WDR59: variants seen among roughly 807,000 people sequenced by gnomAD.
The protein encoded by WDR59 is WD repeat domain 59.
A neutral mutation model predicts 131.2 loss-of-function variants in WDR59; 100 were observed. The ratio of observed to expected loss-of-function variants is 0.76; its 90% CI spans 0.65 to 0.90. The LOEUF (loss-of-function observed/expected upper bound fraction) is 0.90. WDR59 is among the 40% of genes least tolerant of loss of function. The pLI is 0.00. For synonymous variants in WDR59, 601 were observed against 466.2 expected (o/e 1.29, Z -3.72); for missense variants, 1,203 against 1,262.2 (o/e 0.95, Z 0.71).
chr16:74,911,126 A>C lies in WDR59; in HGVS notation c.1389+1072T>G, dbSNP rs56285957. 3.9e-3 allele frequency among the ~76,000 whole-genome samples: 591 copies of C among 152,238 alleles called. 1 individual carries two copies. The highest frequency in any genetic ancestry group is 6.5e-3 in the Non-Finnish European group (445 of 67,996). Reference sequence around the variant, plus strand: ...TGATCCACCCGCCTCAGCCTCTCAAAGTGCTGGGATTACGGGAGTGAGCCA... The same window carrying C: ...TGATCCACCCGCCTCAGCCTCTCAACGTGCTGGGATTACGGGAGTGAGCCA... On this transcript the variant is annotated intron_variant, in intron 14 of 25. Coordinates refer to ENST00000262144, the MANE Select transcript of WDR59 (RefSeq NM_030581.4).
rs764282801 is a variant in WDR59 at position 74,923,902 on chromosome 16, C to T, written c.729+24G>A. 2.5e-6 allele frequency: 4 copies of T among 1,606,330 alleles called. No individual in the cohort carries two copies. In the South Asian group the frequency reaches 4.5e-5, roughly 18 times the overall value. ...GAACACCCAAAAAGAAGTTTCTTAT[C>T]AAGAGGCAGGGTGGCTCACTCACTG... On this transcript the variant is annotated intron_variant, in intron 9 of 25. Coordinates refer to ENST00000262144, the MANE Select transcript of WDR59 (RefSeq NM_030581.4).
At chr16:74,978,182 G>A (rs988597999) in intron 1 of WDR59, among the ~76,000 whole-genome samples, 1 of 152,156 alleles carries the variant, frequency 6.6e-6, no homozygotes, top group Non-Finnish European at 1.5e-5. Flanking sequence ...GGTTAGCCAG[G>A]CGTGGTGATG....
intron 18 of WDR59, among the ~76,000 whole-genome samples, chr16:74,903,487 A>G (rs1965651961): frequency 9.4e-6 from 1 of 106,064 alleles, no homozygotes; most frequent in African/African-American, 3.2e-5. Context: ...ATGTAGACTT[A>G]GTATAAAAAA....
intron 25 of WDR59, among the ~76,000 whole-genome samples, chr16:74,882,585 T>G (rs1312351036): frequency 6.6e-6 from 1 of 150,518 alleles, no homozygotes; most frequent in Non-Finnish European, 1.5e-5. Context: ...ATACAAGTGG[T>G]ATTTGTATTG....
chr16:74,984,886 G>C (rs1045276764), intron 1 of WDR59, 78 bp downstream of exon 1: 36 of 1,558,698 alleles, frequency 2.3e-5, no homozygotes, highest in African/African-American at 2.7e-5. Context: ...GTAGCCCCCC[G>C]GGACGGAAGC....
At chr16:74,968,525 A>T (rs1220506118) in intron 1 of WDR59, among the ~76,000 whole-genome samples, 1 of 152,186 alleles carries the variant, frequency 6.6e-6, no homozygotes, top group Non-Finnish European at 1.5e-5. Flanking sequence ...GTTCAAGACC[A>T]GCCTGGCCAA....
chr16:74,953,821 G>A (rs568244354), intron 3 of WDR59, among the ~76,000 whole-genome samples: 10 of 151,840 alleles, frequency 6.6e-5, no homozygotes, highest in Non-Finnish European at 1.0e-4. Context: ...CTAACAGGGC[G>A]AAACCCTGTC....
At position 74,874,296 on chromosome 16, in the gene WDR59, G is replaced by A. The variant is rs780339982; in HGVS notation, c.2838C>T (p.His946=). The A allele has an allele frequency of 6.2e-6, 10 of 1,613,966 alleles. No homozygotes were observed. Among genetic ancestry groups the A allele is most frequent in the African/African-American group, 1.3e-5 (1 of 74,936 alleles). The stretch of plus-strand genomic sequence containing the variant: ...GAAACCACTCCATCATGTGGCTGGT[G>A]TGGCCACCGTGCCCACAGGTCAGGC... ...NFCLTCGHGG[H]TSHMMEWFRT... The change falls in exon 26 of 26, where the codon CAC becomes CAT. Residue 946 remains histidine, a synonymous_variant. Coordinates refer to ENST00000262144, the MANE Select transcript of WDR59 (RefSeq NM_030581.4).
intron 6 of WDR59, among the ~76,000 whole-genome samples, chr16:74,947,704 A>AT: frequency 6.6e-6 from 1 of 152,334 alleles, no homozygotes; most frequent in Middle Eastern, 3.4e-3. Flanking sequence ...TAAGTATGAT[A>AT]TTGGGATTCT....
chr16:74,939,123 T>C (rs1474792198), intron 7 of WDR59, among the ~76,000 whole-genome samples: 2 of 150,902 alleles, frequency 1.3e-5, no homozygotes, highest in East Asian at 2.0e-4. Flanking sequence ...AGGTCAGGAG[T>C]TTGTGACCAG....
In WDR59 at chr16:74,885,659, C is replaced by T. The variant is rs756003450; in HGVS notation, c.2683G>A (p.Gly895Arg). Residue 895 changes from glycine to arginine, a missense_variant, in exon 25 of 26, where the codon GGG becomes AGG. Coordinates refer to ENST00000262144, the MANE Select transcript of WDR59 (RefSeq NM_030581.4). ...FVSCPPDPHKGIEFGVYCSHC... is the reference protein window; with the variant it reads ...FVSCPPDPHKRIEFGVYCSHC... The stretch of plus-strand genomic sequence containing the variant: ...GAGAGAAATTCATACTCACCGATCC[C>T]TTTGTGAGGGTCAGGAGGACAGGAG... The T allele has an allele frequency of 5.2e-5, 84 of 1,613,800 alleles. No homozygotes were observed. The highest frequency in any genetic ancestry group is 1.6e-4 in the Middle Eastern group (1 of 6,082).
chr16:74,905,979 G>A (rs576473502), intron 17 of WDR59, among the ~76,000 whole-genome samples: 13 of 152,082 alleles, frequency 8.5e-5, no homozygotes, highest in African/African-American at 3.1e-4. Context: ...CACAGAAGCT[G>A]CTCGACATCA....
intron 18 of WDR59, 55 bp downstream of exon 18, chr16:74,903,892 G>T: frequency 6.4e-7 from 1 of 1,558,414 alleles, no homozygotes; most frequent in Non-Finnish European, 8.7e-7. Flanking sequence ...AGGAGATGAG[G>T]AACAAGAATC....
chr16:74,950,058 T>G, intron 4 of WDR59: 1 of 486,972 alleles, frequency 2.1e-6, no homozygotes, highest in Non-Finnish European at 4.0e-6. Context: ...ATTCTCTCTC[T>G]GGGCTGAGCG....
At position 74,970,495 on chromosome 16, in the gene WDR59, C is replaced by CAAA. The variant is rs746574195; in HGVS notation, c.55-4676_55-4674dup. Reference sequence around the variant, plus strand: ...GGGTGACAGAGAGAGACTCTGTCTCCAAAAAAAAAAAAAAAAAAAAAAAAA... The same window carrying CAAA: ...GGGTGACAGAGAGAGACTCTGTCTCCAAAAAAAAAAAAAAAAAAAAAAAAAAAA... On this transcript the variant is annotated intron_variant, in intron 1 of 25. Transcript: ENST00000262144. Among the ~76,000 whole-genome samples the CAAA allele has an allele frequency of 4.6e-3, 152 of 33,302 alleles. 9 individuals are homozygous for CAAA. The highest frequency in any genetic ancestry group is 9.5e-3 in the African/African-American group (105 of 11,088). The allele number at this position is 33,302 out of a possible 152,430, so 21.8% of individuals were successfully genotyped here. A position where few individuals can be genotyped will look rare whatever the true frequency, so the allele number is the denominator to read the frequency against.
intron 25 of WDR59, among the ~76,000 whole-genome samples, chr16:74,880,701 G>A (rs976410932): frequency 1.3e-5 from 2 of 152,176 alleles, no homozygotes; most frequent in Non-Finnish European, 2.9e-5. Flanking sequence ...CTTGATAGAG[G>A]TGAAATGAAT....
intron 17 of WDR59, among the ~76,000 whole-genome samples, chr16:74,907,823 G>C (rs1328656255): frequency 6.6e-6 from 1 of 152,120 alleles, no homozygotes. Flanking sequence ...TTTTTAGAGG[G>C]ACTTAATCTT....
intron 2 of WDR59, 43 bp downstream of exon 2, chr16:74,965,730 G>A (rs767190548): frequency 1.1e-5 from 17 of 1,611,846 alleles, no homozygotes; most frequent in East Asian, 4.5e-5. Flanking sequence ...TTTGCAAATC[G>A]TTTCCAGAAA....
intron 6 of WDR59, among the ~76,000 whole-genome samples, chr16:74,943,411 T>C (rs772963227): frequency 5.3e-5 from 8 of 152,084 alleles, no homozygotes; most frequent in Non-Finnish European, 8.8e-5. Context: ...ACCACACTGA[T>C]AAGGGAAAGG....
Sources: gnomAD v4.1 joint callset for allele counts (sites outside exome capture counted in the v4.1 genomes callset) on GRCh38, gnomAD v4.1.1 for gene constraint, MANE v1.5 for transcripts, NCBI Gene and HGNC (gene_info 2026-07-23, HGNC 2026-07-21) for gene names.